UVSSA: variants seen among roughly 807,000 people sequenced by gnomAD.
UVSSA encodes UV stimulated scaffold protein A.
Under a neutral mutation model 73.9 loss-of-function variants are expected in UVSSA, and 72 were observed. The ratio of observed to expected loss-of-function variants is 0.97; its 90% CI spans 0.81 to 1.19. UVSSA has a LOEUF of 1.19. Ranked by LOEUF, UVSSA falls within the 50% of genes most tolerant of loss-of-function variation. The probability of loss-of-function intolerance (pLI) is 0.00; values close to 1 mark genes in which losing one functional copy is unlikely to be tolerated. For synonymous variants in UVSSA, 454 were observed against 391.3 expected (o/e 1.16, Z -1.89); for missense variants, 1,150 against 965.0 (o/e 1.19, Z -2.54).
At chr4:1,357,983 T>G (rs995625001) in intron 7 of UVSSA, 1 of 152,422 alleles carries the variant, frequency 6.6e-6, no homozygotes, top group African/African-American at 2.4e-5. Flanking sequence ...CCGCCGACAC[T>G]GTTAGCTGTC....
chr4:1,345,269 A>G (rs549766464), upstream of UVSSA, among the ~76,000 whole-genome samples: 18 of 152,232 alleles, frequency 1.2e-4, no homozygotes, highest in South Asian at 3.7e-3. Flanking sequence ...TTGCAAACCA[A>G]ATGGGCATGG....
In UVSSA at chr4:1,354,199, G is replaced by A. The variant is rs147665925; in HGVS notation, c.935-536G>A. Among the ~76,000 whole-genome samples, 546 of 152,364 alleles carry A rather than the reference G, an allele frequency of 3.6e-3. 4 individuals are homozygous for A. Among genetic ancestry groups the A allele is most frequent in the African/African-American group, 0.013 (528 of 41,588 alleles). The stretch of plus-strand genomic sequence containing the variant: ...CAGTGAGGCTGCAGGCCTGTGCGGG[G>A]TGGACACCGCTGCTGCAAGCCTGGG... On this transcript the variant is annotated intron_variant, in intron 5 of 13. Coordinates refer to ENST00000389851, the MANE Select transcript of UVSSA (RefSeq NM_020894.4).
chr4:1,386,573 C>T lies in UVSSA; in HGVS notation c.*612C>T, dbSNP rs1186641967. On this transcript the variant is annotated 3_prime_UTR_variant, in exon 14 of 14. Transcript: ENST00000389851. ...ACCTGTCCATGCGGAAGCTTGTGCACCCATGTTCACAGCAGCATTGGAGAA... is the reference window on the plus strand; with the variant it reads ...ACCTGTCCATGCGGAAGCTTGTGCATCCATGTTCACAGCAGCATTGGAGAA... The T allele has an allele frequency of 1.3e-5, 2 of 152,782 alleles. No individual in the cohort carries two copies. The highest frequency in any genetic ancestry group is 2.9e-5 in the Non-Finnish European group (2 of 68,456). The allele number at this position is 152,782 out of a possible 1,614,324, so 9.5% of individuals were successfully genotyped here.
At chr4:1,370,764 GCTGACCTCTGTC>G (rs1299780303) in intron 8 of UVSSA, among the ~76,000 whole-genome samples, 1 of 152,256 alleles carries the variant, frequency 6.6e-6, no homozygotes, top group Non-Finnish European at 1.5e-5. Context: ...CATGTGCCAG[GCTGACCTCTGTC>G]CAGAGAGTCA....
downstream of UVSSA, chr4:1,388,559 C>G (rs893103869): frequency 6.6e-6 from 1 of 152,228 alleles, no homozygotes; most frequent in Admixed American, 6.5e-5. Context: ...GGGAAGCTTT[C>G]GGTCTCTCAC....
At chr4:1,351,425 G>A (rs1407271550) in intron 3 of UVSSA, among the ~76,000 whole-genome samples, 2 of 140,068 alleles carry the variant, frequency 1.4e-5, no homozygotes, top group South Asian at 2.3e-4. Context: ...TCGCTCTGTC[G>A]CCCAGGCTGG....
intron 7 of UVSSA, among the ~76,000 whole-genome samples, chr4:1,362,907 C>T (rs756151806): frequency 1.3e-5 from 2 of 152,214 alleles, no homozygotes; most frequent in Non-Finnish European, 2.9e-5. Flanking sequence ...TTCCTAGGCT[C>T]ACGGCTTCCC....
intron 7 of UVSSA, 38 bp downstream of exon 7, chr4:1,355,283 G>A: frequency 6.4e-7 from 1 of 1,567,864 alleles, no homozygotes; most frequent in Non-Finnish European, 8.7e-7. Flanking sequence ...GGGTCCCAGA[G>A]GCCTCAGTGG....
chr4:1,381,112 AGCCTCTC>A (rs1719446558), intron 12 of UVSSA, 124 bp downstream of exon 12: 4 of 905,868 alleles, frequency 4.4e-6, no homozygotes, highest in Non-Finnish European at 6.6e-6. Context: ...TGGAGCTACA[AGCCTCTC>A]GGTCATAACT....
At chr4:1,359,751 C>T (rs1016854206) in intron 7 of UVSSA, among the ~76,000 whole-genome samples, 1 of 152,166 alleles carries the variant, frequency 6.6e-6, no homozygotes, top group Non-Finnish European at 1.5e-5. Context: ...TGTCGGCCGC[C>T]TGCCTGCCTC....
At chr4:1,380,717 A>G (rs1332582984) in intron 11 of UVSSA, 163 bp from the exon 12 acceptor site, 4 of 1,546,236 alleles carry the variant, frequency 2.6e-6, no homozygotes, top group Non-Finnish European at 3.5e-6. Context: ...GGCTCTCAGG[A>G]CGCCCTCCTC....
At chr4:1,349,441 G>A (rs78736617) in intron 2 of UVSSA, 83 bp from the exon 3 acceptor site, 41 of 1,352,870 alleles carry the variant, frequency 3.0e-5, no homozygotes, top group Middle Eastern at 2.6e-4. Context: ...CCACACGTGC[G>A]TGCGGCATCC....
At chr4:1,349,355 G>A (rs1388889477) in intron 2 of UVSSA, among the ~76,000 whole-genome samples, 169 bp from the exon 3 acceptor site, 2 of 152,240 alleles carry the variant, frequency 1.3e-5, no homozygotes, top group Non-Finnish European at 2.9e-5. Flanking sequence ...AGGTAGATGT[G>A]GCCCTTGGGC....
At chr4:1,375,903 G>T (rs953415181) in intron 9 of UVSSA, 131 bp from the exon 10 acceptor site, 3 of 1,390,230 alleles carry the variant, frequency 2.2e-6, no homozygotes, top group Non-Finnish European at 1.9e-6. Flanking sequence ...CCCAGGCGTC[G>T]TGTGGCAGAA....
Position 1,353,061 on chromosome 4 carries a change from G to A in UVSSA, c.582G>A (p.Thr194=), listed in dbSNP as rs748541217. 2.9e-5 allele frequency: 46 copies of A among 1,612,272 alleles called. No individual in the cohort carries two copies. The highest frequency in any genetic ancestry group is 6.7e-5 in the African/African-American group (5 of 74,938). ...EMSGEIESCL[T]EVESCFRLLV... is the part of the protein sequence containing the mutation. ...CTGGAGAAATTGAATCCTGCTTGAC[G>A]GAGGTAGAGAGCTGCTTTAGGCTGC... Residue 194 remains threonine, a synonymous_variant, in exon 5 of 14, where the codon ACG becomes ACA. Coordinates refer to ENST00000389851, the MANE Select transcript of UVSSA (RefSeq NM_020894.4).
chr4:1,366,210 C>A, intron 7 of UVSSA, 110 bp from the exon 8 acceptor site: 1 of 834,476 alleles, frequency 1.2e-6, no homozygotes, highest in Non-Finnish European at 1.9e-6. Context: ...GAGCCCTAAG[C>A]AGGGGAAAAA....
chr4:1,350,711 C>T (rs1714576563), intron 3 of UVSSA, among the ~76,000 whole-genome samples: 1 of 151,854 alleles, frequency 6.6e-6, no homozygotes, highest in African/African-American at 2.4e-5. Context: ...TGGTGGATCA[C>T]CTGGTCCTGG....
intron 8 of UVSSA, 106 bp downstream of exon 8, chr4:1,366,537 G>A (rs1406696449): frequency 1.3e-6 from 1 of 770,292 alleles, no homozygotes; most frequent in African/African-American, 1.7e-5. Context: ...AGCCCATCTT[G>A]TGGTAACTGC....
At chr4:1,375,536 C>T (rs1214304804) in intron 9 of UVSSA, 28 bp downstream of exon 9, 3 of 1,597,598 alleles carry the variant, frequency 1.9e-6, no homozygotes, top group Admixed American at 3.4e-5. Context: ...GTGTGCTGAG[C>T]CCCCTGCCCG....
Sources: gnomAD v4.1 joint callset for allele counts (sites outside exome capture counted in the v4.1 genomes callset) on GRCh38, gnomAD v4.1.1 for gene constraint, MANE v1.5 for transcripts, NCBI Gene and HGNC (gene_info 2026-07-23, HGNC 2026-07-21) for gene names.